HIBCH: variants seen among roughly 807,000 people sequenced by gnomAD.
The protein encoded by HIBCH is 3-hydroxyisobutyryl-CoA hydrolase.
HIBCH carries 50 observed loss-of-function variants against 58.2 expected under a neutral mutation model. That is an observed-to-expected ratio of 0.86 (90% CI 0.68 to 1.09). HIBCH has a LOEUF of 1.09. Among genes scored for constraint, HIBCH ranks in the 50% least tolerant of loss-of-function variants. The pLI is 0.00. For synonymous variants in HIBCH, 151 were observed against 146.9 expected, an observed-to-expected ratio of 1.03 and a Z score of -0.20; for missense variants, 450 against 449.7, an observed-to-expected ratio of 1.00 and a Z score of -0.01.
At chr2:190,224,050 C>T (rs185014021) in intron 11 of HIBCH, among the ~76,000 whole-genome samples, 5 of 152,176 alleles carry the variant, frequency 3.3e-5, no homozygotes, top group African/African-American at 1.2e-4. Flanking sequence ...CAGGACACTC[C>T]CACCCTAACA....
chr2:190,297,744 C>G (rs1688141690), intron 2 of HIBCH, among the ~76,000 whole-genome samples: 1 of 152,198 alleles, frequency 6.6e-6, no homozygotes, highest in African/African-American at 2.4e-5. Context: ...CATCAGGACT[C>G]ATGGCATCAC....
intron 7 of HIBCH, among the ~76,000 whole-genome samples, chr2:190,253,064 C>T (rs1686823605): frequency 6.6e-6 from 1 of 152,088 alleles, no homozygotes; most frequent in South Asian, 2.1e-4. Context: ...TGGCGCATGC[C>T]TGTAATCCCA....
intron 6 of HIBCH, among the ~76,000 whole-genome samples, chr2:190,266,374 T>C (rs545502505): frequency 1.3e-5 from 2 of 152,378 alleles, no homozygotes; most frequent in South Asian, 4.1e-4. Flanking sequence ...ATATTTCTTA[T>C]GATTGTGGTT....
chr2:190,259,288 TC>T (rs1305141758), intron 7 of HIBCH, among the ~76,000 whole-genome samples: 2 of 151,740 alleles, frequency 1.3e-5, no homozygotes, highest in Non-Finnish European at 2.9e-5. Context: ...TCAATTTTTT[TC>T]ATCAAAGTTT....
At chr2:190,250,251 A>T in intron 8 of HIBCH, 1 of 365,630 alleles carries the variant, frequency 2.7e-6, no homozygotes, top group South Asian at 2.3e-5. Context: ...TTTTCCTGAT[A>T]ATACTCACCT....
At chr2:190,313,266 T>G (rs1688607270) in intron 1 of HIBCH, among the ~76,000 whole-genome samples, 1 of 151,968 alleles carries the variant, frequency 6.6e-6, no homozygotes, top group South Asian at 2.1e-4. Flanking sequence ...TCCTTAAACC[T>G]TTCATAAGCA....
chr2:190,228,398 T>C (rs1234162574), intron 11 of HIBCH, among the ~76,000 whole-genome samples: 2 of 114,416 alleles, frequency 1.7e-5, no homozygotes, highest in South Asian at 3.6e-4. Flanking sequence ...CCAGGGACTG[T>C]TGTGGGGTGG....
chr2:190,296,995 T>C (rs1295374281), intron 2 of HIBCH, 42 bp from the exon 3 acceptor site: 2 of 1,588,916 alleles, frequency 1.3e-6, no homozygotes, highest in East Asian at 4.5e-5. Flanking sequence ...ATTTCTTAAG[T>C]TTTTATCACA....
chr2:190,212,224 ATGG>A lies in HIBCH; in HGVS notation c.1011+729_1011+731del, dbSNP rs1690529830. On this transcript the variant is annotated intron_variant, in intron 12 of 13. Transcript: ENST00000359678. ...ATCCCTCAAGGAGTGACTTTAAGACATGGCTAACAGAGTTATTTCTAACTAGAT... is the reference window on the plus strand; with the variant it reads ...ATCCCTCAAGGAGTGACTTTAAGACACTAACAGAGTTATTTCTAACTAGAT... Among the ~76,000 whole-genome samples, 3 of 152,226 alleles carry A rather than the reference ATGG, an allele frequency of 2.0e-5. 1 individual carries two copies. In the South Asian group the frequency reaches 6.2e-4, roughly 31 times the overall value.
At position 190,246,215 on chromosome 2, in the gene HIBCH, G is replaced by A. The variant is rs762290188; in HGVS notation, c.751-3C>T. The A allele has an allele frequency of 6.4e-7, 1 of 1,557,922 alleles. No homozygotes were observed. The highest frequency in any genetic ancestry group is 8.8e-7 in the Non-Finnish European group (1 of 1,136,118). ...GACTTGTCTCGATCAATCTTAGACT[G>A]TTTGAAAAGAAAAATCTTTTAATAA... On this transcript the variant is annotated splice_polypyrimidine_tract_variant and splice_region_variant and intron_variant, in intron 9 of 13. Coordinates refer to ENST00000359678, the MANE Select transcript of HIBCH (RefSeq NM_014362.4).
At chr2:190,250,662 A>G (rs1346401126) in intron 8 of HIBCH, 1 of 177,900 alleles carries the variant, frequency 5.6e-6, no homozygotes, top group African/African-American at 2.4e-5. Context: ...AGACTACTCA[A>G]TGTGACTGAG....
chr2:190,272,226 T>C (rs1482412070), intron 6 of HIBCH, among the ~76,000 whole-genome samples: 1 of 152,206 alleles, frequency 6.6e-6, no homozygotes, highest in Admixed American at 6.5e-5. Flanking sequence ...AAGGAAAACA[T>C]GTCTGTTTTG....
At chr2:190,286,863 A>T (rs923264119) in intron 6 of HIBCH, among the ~76,000 whole-genome samples, 1 of 29,656 alleles carries the variant, frequency 3.4e-5, no homozygotes, top group African/African-American at 1.3e-4. Context: ...TACTGAATTT[A>T]AAAAAAAAAA....
At chr2:190,255,425 G>C (rs1276320402) in intron 7 of HIBCH, among the ~76,000 whole-genome samples, 3 of 152,188 alleles carry the variant, frequency 2.0e-5, no homozygotes. Flanking sequence ...ACTCCTCTGA[G>C]AGCATCTTTA....
intron 1 of HIBCH, among the ~76,000 whole-genome samples, chr2:190,191,382 T>TG (rs1689702771): frequency 6.6e-6 from 1 of 152,138 alleles, no homozygotes; most frequent in African/African-American, 2.4e-5. Flanking sequence ...TGACCTCAGG[T>TG]GATCTACCCA....
intron 7 of HIBCH, among the ~76,000 whole-genome samples, chr2:190,256,934 A>G (rs1191762525): frequency 1.3e-5 from 2 of 152,196 alleles, no homozygotes; most frequent in Non-Finnish European, 2.9e-5. Flanking sequence ...AAAATGAAAG[A>G]GAGAAAAAAA....
intron 6 of HIBCH, among the ~76,000 whole-genome samples, chr2:190,268,131 T>C (rs1421173356): frequency 6.6e-6 from 1 of 152,242 alleles, no homozygotes; most frequent in Non-Finnish European, 1.5e-5. Context: ...CATTAAAATT[T>C]AAATGTACTA....
intron 11 of HIBCH, among the ~76,000 whole-genome samples, chr2:190,238,693 G>A (rs965037619): frequency 6.6e-6 from 1 of 152,210 alleles, no homozygotes; most frequent in Admixed American, 6.5e-5. Context: ...CTGAACTCCT[G>A]ACCTCGTGAT....
At chr2:190,199,586 C>G, downstream of HIBCH, 1 of 473,008 alleles carries the variant, frequency 2.1e-6, no homozygotes, top group Non-Finnish European at 3.2e-6. Flanking sequence ...TTGTTTTTAC[C>G]TCAGATTTCT....
Sources: allele counts gnomAD v4.1 joint callset (sites outside exome capture counted in the v4.1 genomes callset), GRCh38; gene constraint gnomAD v4.1.1; transcripts MANE v1.5; gene names NCBI Gene and HGNC (gene_info 2026-07-23, HGNC 2026-07-21).